GPI: variants seen among roughly 807,000 people sequenced by gnomAD.
GPI encodes the protein D-hexose-6-phosphate anomerase.
In GPI, 56 loss-of-function variants were observed where a neutral mutation model predicts 75.8. The observed-to-expected ratio is 0.74, with a 90% CI of 0.60 to 0.92. GPI has a LOEUF of 0.92. GPI is among the 40% of genes least tolerant of loss of function. The pLI, the probability that GPI is intolerant of heterozygous loss-of-function variation, is 0.00. For missense variants in GPI, 638 were observed against 741.0 expected (o/e 0.86, Z 1.61); for synonymous variants, 288 against 285.4 (o/e 1.01, Z -0.09).
chr19:34,397,403 A>C (rs2074961597), intron 14 of GPI: 1 of 152,408 alleles, frequency 6.6e-6, no homozygotes, highest in African/African-American at 2.4e-5. Context: ...GGCAGGTTAA[A>C]TCCTTCTCTG....
At chr19:34,368,352 A>G (rs773580352) in intron 3 of GPI, among the ~76,000 whole-genome samples, 8 of 152,314 alleles carry the variant, frequency 5.3e-5, no homozygotes, top group East Asian at 1.9e-4. Context: ...TCCTAGGCAT[A>G]TATGGGTCCC....
intron 12 of GPI, 108 bp from the exon 13 acceptor site, chr19:34,396,193 C>T: frequency 7.8e-7 from 1 of 1,285,934 alleles, no homozygotes; most frequent in Non-Finnish European, 1.1e-6. Context: ...CTGCCTTGGC[C>T]TCCCAAAGTG....
chr19:34,395,605 AT>A (rs1177529964), intron 12 of GPI, among the ~76,000 whole-genome samples: 1 of 152,078 alleles, frequency 6.6e-6, no homozygotes, highest in African/African-American at 2.4e-5. Context: ...AAATGAGCTG[AT>A]TTTGTGACCG....
At position 34,389,757 on chromosome 19, in the gene GPI, C is replaced by T. The variant is rs529104327; in HGVS notation, c.805-3491C>T. Among the ~76,000 whole-genome samples the T allele has an allele frequency of 2.6e-5, 4 of 152,308 alleles. No individual in the cohort carries two copies. The South Asian group carries it at 8.3e-4, about 32-fold the overall frequency. Reference sequence around the variant, plus strand: ...TCAAGGGTCAAGTACCCCTCAGGTTCCTTTTATAAGTGGCCTCAGCACCAT... The same window carrying T: ...TCAAGGGTCAAGTACCCCTCAGGTTTCTTTTATAAGTGGCCTCAGCACCAT... On this transcript the variant is annotated intron_variant, in intron 9 of 17. Coordinates refer to ENST00000356487, the MANE Select transcript of GPI (RefSeq NM_000175.5).
At chr19:34,396,999 G>C (rs542557318) in intron 14 of GPI, among the ~76,000 whole-genome samples, 1 of 152,244 alleles carries the variant, frequency 6.6e-6, no homozygotes, top group African/African-American at 2.4e-5. Context: ...TTGGTAAAGG[G>C]GGGGTTTCAC....
Position 34,399,293 on chromosome 19 carries a change from G to C in GPI, c.1356G>C (p.Ala452=), listed in dbSNP as rs34604585. 2.0e-3 allele frequency: 3,173 copies of C among 1,614,112 alleles called. 41 individuals are homozygous for C. The African/African-American group carries it at 0.035, about 18-fold the overall frequency. Residue 452 remains alanine, a synonymous_variant, in exon 15 of 18, where the codon GCG becomes GCC. Transcript: ENST00000356487. ...AGGCCCGAAAGGAGCTCCAGGCTGCGGGCAAGAGTCCAGAGGACCTTGAGA... is the reference window on the plus strand; with the variant it reads ...AGGCCCGAAAGGAGCTCCAGGCTGCCGGCAAGAGTCCAGAGGACCTTGAGA... ...TEEARKELQA[A]GKSPEDLERL...
At position 34,368,121 on chromosome 19, in the gene GPI, A is replaced by G. The variant is rs150828326; in HGVS notation, c.283-462A>G. ...TTTTTAGTAGAGACAGGATGTCACC[A>G]TGTTGGCCAGGCTGGTCTCGAATTC... On this transcript the variant is annotated intron_variant, in intron 3 of 17. Transcript: ENST00000356487. 1.8e-4 allele frequency among the ~76,000 whole-genome samples: 28 copies of G among 152,276 alleles called. 1 individual carries two copies. Among genetic ancestry groups the G allele is most frequent in the Admixed American group, 9.2e-4 (14 of 15,300 alleles).
Position 34,400,299 on chromosome 19 carries a change from C to G in GPI, c.*263C>G. On this transcript the variant is annotated 3_prime_UTR_variant, in exon 18 of 18. Transcript: ENST00000356487. ...ACCCATGTTCACGTTGTTCACATCC[C>G]ATGTAGAAAAATAAAGATGCCACGG... 1 of 597,966 alleles carries G rather than the reference C, an allele frequency of 1.7e-6. No individual in the cohort carries two copies. The highest frequency in any genetic ancestry group is 2.0e-5 in the South Asian group (1 of 50,148). The allele number at this position is 597,966 out of a possible 1,614,324, so 37.0% of individuals were successfully genotyped here. A position where few individuals can be genotyped will look rare whatever the true frequency, so the allele number is the denominator to read the frequency against.
upstream of GPI, among the ~76,000 whole-genome samples, chr19:34,361,013 A>T (rs1282477856): frequency 6.6e-6 from 1 of 151,848 alleles, no homozygotes; most frequent in Non-Finnish European, 1.5e-5. Context: ...CCTGGCTTCA[A>T]GTGATCCACC....
Position 34,365,206 on chromosome 19 carries a change from C to A in GPI, c.-61C>A. 6 of 1,399,448 alleles carry A rather than the reference C, an allele frequency of 4.3e-6. No homozygotes were observed. The highest frequency in any genetic ancestry group is 1.7e-5 in the South Asian group (1 of 57,988). The allele number at this position is 1,399,448 out of a possible 1,614,324, so 86.7% of individuals were successfully genotyped here. On this transcript the variant is annotated 5_prime_UTR_variant, in exon 1 of 18. Transcript: ENST00000356487. ...GCGCCCACGCGCCTCGCTTGCTGCG[C>A]GCTGCCGGCGCTCCTTCCTCCTCGG...
chr19:34,381,602 A>G, intron 9 of GPI, 83 bp downstream of exon 9: 1 of 943,594 alleles, frequency 1.1e-6, no homozygotes, highest in Non-Finnish European at 1.8e-6. Flanking sequence ...AGGTCAGGTC[A>G]GTGTTTATTG....
intron 4 of GPI, among the ~76,000 whole-genome samples, chr19:34,371,991 C>T (rs1231752996): frequency 1.3e-5 from 2 of 150,090 alleles, no homozygotes; most frequent in Non-Finnish European, 3.0e-5. Flanking sequence ...AGTGCAATGG[C>T]GAGTTCTCGG....
rs151008323 is a variant in GPI, at chr19:34,399,579, C to G, written c.1422C>G (p.Thr474=). 2.2e-5 allele frequency: 35 copies of G among 1,614,010 alleles called. No homozygotes were observed. In the African/African-American group the frequency reaches 2.8e-4, roughly 13 times the overall value. Residue 474 remains threonine, a synonymous_variant, in exon 16 of 18, where the codon ACC becomes ACG. Coordinates refer to ENST00000356487, the MANE Select transcript of GPI (RefSeq NM_000175.5). ...AGGTCTTTGAAGGAAATCGCCCAAC[C>G]AACTCTATTGTGTTCACCAAGCTCA... ...PHKVFEGNRP[T]NSIVFTKLTP...
intron 2 of GPI, 56 bp from the exon 3 acceptor site, chr19:34,366,727 G>C: frequency 8.2e-7 from 1 of 1,218,380 alleles, no homozygotes; most frequent in Non-Finnish European, 1.2e-6. Flanking sequence ...TTTGGGGGCT[G>C]ACACTTGGGG....
chr19:34,365,432 G>A (rs2074345177), intron 1 of GPI, 44 bp downstream of exon 1: 5 of 1,523,382 alleles, frequency 3.3e-6, no homozygotes, highest in Middle Eastern at 1.7e-4. Context: ...GCGGCGCCCG[G>A]AACCGGGCAC....
rs2074947283 is a variant in GPI, at chr19:34,396,502, A to G, written c.1192+72A>G. The G allele has an allele frequency of 3.7e-6, 6 of 1,612,066 alleles. No individual in the cohort carries two copies. In the South Asian group the frequency reaches 6.6e-5, roughly 18 times the overall value. ...ATCTTCCAGAAGAGATATCTCACTT[A>G]GGTCAGTGCCCTCCTCTAGGCCATA... On this transcript the variant is annotated intron_variant, in intron 13 of 17. Transcript: ENST00000356487.
At position 34,393,044 on chromosome 19, in the gene GPI, G is replaced by T. The variant is rs988026817; in HGVS notation, c.805-204G>T. 2 of 626,856 alleles carry T rather than the reference G, an allele frequency of 3.2e-6. No individual in the cohort carries two copies. Among genetic ancestry groups the T allele is most frequent in the African/African-American group, 1.8e-5 (1 of 55,218 alleles). 38.8% of individuals were successfully genotyped at this position (626,856 alleles called of 1,614,324 possible). A position where few individuals can be genotyped will look rare whatever the true frequency, so the allele number is the denominator to read the frequency against. ...CACGGTAAGCTCTTCAGTTTGTCTT[G>T]TGGCTGTGGTCAGTCATCTGTAGTC... On this transcript the variant is annotated intron_variant, in intron 9 of 17. Transcript: ENST00000356487. The surrounding 1 kb of genome is among the most constrained non-coding windows in gnomAD (Gnocchi z 4.4).
rs1292232691 is a variant in GPI at position 34,393,258 on chromosome 19, G to A, written c.815G>A (p.Gly272Glu). The A allele has an allele frequency of 1.2e-6, 2 of 1,612,986 alleles. No individual in the cohort carries two copies. The highest frequency in any genetic ancestry group is 1.7e-6 in the Non-Finnish European group (2 of 1,179,094). The change falls in exon 10 of 18, where the codon GGA (glycine) becomes GAA (glutamate). Residue 272 changes from glycine (G) to glutamate (E), a missense_variant. Coordinates refer to ENST00000356487, the MANE Select transcript of GPI (RefSeq NM_000175.5). The surrounding 1 kb of genome is among the most constrained non-coding windows in gnomAD (Gnocchi z 4.4). ...NMFEFWDWVGGRYSLWSAIGL... is the reference protein window; with the variant it reads ...NMFEFWDWVGERYSLWSAIGL... The stretch of plus-strand genomic sequence containing the variant: ...TCCTGTCTCTCCTAGTGGGTGGGAG[G>A]ACGCTACTCGCTGTGGTCGGCCATC...
intron 4 of GPI, among the ~76,000 whole-genome samples, chr19:34,374,552 A>G (rs1036043545): frequency 1.3e-5 from 2 of 152,126 alleles, no homozygotes; most frequent in Non-Finnish European, 1.5e-5. Flanking sequence ...TTTGTCAAGT[A>G]CAGGTGTAGT....
Sources: allele counts gnomAD v4.1 joint callset (sites outside exome capture counted in the v4.1 genomes callset), GRCh38; gene constraint gnomAD v4.1.1; non-coding constraint Gnocchi (gnomAD v3.1); transcripts MANE v1.5; gene names NCBI Gene and HGNC (gene_info 2026-07-23, HGNC 2026-07-21).